PTPRR: variants seen among roughly 807,000 people sequenced by gnomAD.
The protein encoded by PTPRR is receptor-type tyrosine-protein phosphatase R.
PTPRR carries 38 observed loss-of-function variants against 77.2 expected under a neutral mutation model. The observed-to-expected ratio is 0.49, with a 90% CI of 0.38 to 0.65. PTPRR has a LOEUF of 0.65. Ranked by LOEUF, PTPRR falls within the 30% of genes least tolerant of loss-of-function variation. The pLI, the probability that PTPRR is intolerant of heterozygous loss-of-function variation, is 0.00. For synonymous variants in PTPRR, 299 were observed against 283.1 expected (o/e 1.06, Z -0.57); for missense variants, 744 against 799.2 (o/e 0.93, Z 0.83).
intron 6 of PTPRR, among the ~76,000 whole-genome samples, chr12:70,727,411 A>C (rs950041956): frequency 1.2e-4 from 18 of 152,168 alleles, no homozygotes; most frequent in Non-Finnish European, 2.5e-4. Flanking sequence ...AATGGGTTAT[A>C]AGAATTAAAA....
At chr12:70,818,235 CAA>C (rs34025995) in intron 2 of PTPRR, among the ~76,000 whole-genome samples, 7 of 68,658 alleles carry the variant, frequency 1.0e-4, no homozygotes, top group Non-Finnish European at 8.6e-5. Flanking sequence ...AACTCCGTCT[CAA>C]AAAAAAAAAA....
At chr12:70,798,029 A>G (rs1891546576) in intron 2 of PTPRR, among the ~76,000 whole-genome samples, 1 of 152,138 alleles carries the variant, frequency 6.6e-6, no homozygotes, top group Admixed American at 6.5e-5. Context: ...TTTAACTACT[A>G]CCTGATATCT....
At chr12:70,815,151 C>T (rs1403536014) in intron 2 of PTPRR, among the ~76,000 whole-genome samples, 1 of 108,354 alleles carries the variant, frequency 9.2e-6, no homozygotes, top group Non-Finnish European at 2.0e-5. Context: ...AAAAAAAACC[C>T]ACGTGTCACT....
At chr12:70,781,097 T>C (rs562173324) in intron 2 of PTPRR, among the ~76,000 whole-genome samples, 1 of 152,336 alleles carries the variant, frequency 6.6e-6, no homozygotes, top group East Asian at 1.9e-4. Flanking sequence ...ATCAGCAATA[T>C]AATTGACATT....
chr12:70,823,108 G>GACACACACACAC lies in PTPRR; in HGVS notation c.358-58342_358-58331dup, dbSNP rs58549756. 4.7e-3 allele frequency among the ~76,000 whole-genome samples: 661 copies of GACACACACACAC among 139,646 alleles called. 7 individuals carry two copies. Among genetic ancestry groups the GACACACACACAC allele is most frequent in the African/African-American group, 0.012 (450 of 36,064 alleles). 91.6% of individuals were successfully genotyped at this position (139,646 alleles called of 152,430 possible). On this transcript the variant is annotated intron_variant, in intron 2 of 13. Transcript: ENST00000283228. Reference sequence around the variant, plus strand: ...CTTCTCTCTTGCTGTCTCTCTCTCTGACACACACACACACACACACACACA... The same window carrying GACACACACACAC: ...CTTCTCTCTTGCTGTCTCTCTCTCTGACACACACACACACACACACACACACACACACACACA...
intron 6 of PTPRR, among the ~76,000 whole-genome samples, chr12:70,722,263 G>A (rs892069036): frequency 2.6e-5 from 4 of 152,030 alleles, no homozygotes; most frequent in African/African-American, 9.7e-5. Flanking sequence ...AAGCCTATCC[G>A]GTCCAACATA....
intron 5 of PTPRR, among the ~76,000 whole-genome samples, chr12:70,746,759 A>G (rs930928853): frequency 1.3e-5 from 2 of 151,988 alleles, no homozygotes; most frequent in African/African-American, 4.8e-5. Context: ...TGCTGTGATC[A>G]TAGCTCACTG....
rs537288729 is a variant in PTPRR, at chr12:70,827,761, A to C, written c.358-62983T>G. Among the ~76,000 whole-genome samples the C allele has an allele frequency of 4.0e-4, 48 of 120,838 alleles. No homozygotes were observed. In the East Asian group the frequency reaches 0.01, roughly 26 times the overall value. 79.3% of individuals were successfully genotyped at this position (120,838 alleles called of 152,430 possible). ...GAGATGGAGTCTTGCTCTGTTGTCC[A>C]GGCTGGAGTGCAGTGGCACAGTCTC... On this transcript the variant is annotated intron_variant, in intron 2 of 13. Transcript: ENST00000283228.
At chr12:70,746,403 G>A (rs1490455084) in intron 5 of PTPRR, among the ~76,000 whole-genome samples, 1 of 152,132 alleles carries the variant, frequency 6.6e-6, no homozygotes, top group Admixed American at 6.5e-5. Context: ...ATGGGGAAAT[G>A]GTAGGCTTAC....
At chr12:70,742,211 C>T (rs1271835163) in intron 6 of PTPRR, among the ~76,000 whole-genome samples, 1 of 152,036 alleles carries the variant, frequency 6.6e-6, no homozygotes, top group African/African-American at 2.4e-5. Context: ...AGAGGAAACC[C>T]TAGGAAACCA....
At chr12:70,879,692 C>T (rs1893115990) in intron 2 of PTPRR, among the ~76,000 whole-genome samples, 1 of 152,030 alleles carries the variant, frequency 6.6e-6, no homozygotes, top group Non-Finnish European at 1.5e-5. Flanking sequence ...ACAATTTCTC[C>T]CTGTAAGGGG....
intron 1 of PTPRR, among the ~76,000 whole-genome samples, chr12:70,911,926 G>A (rs1893706733): frequency 1.3e-5 from 2 of 152,084 alleles, no homozygotes; most frequent in Non-Finnish European, 2.9e-5. Context: ...CTCTAAGACT[G>A]CAAGTTTGGA....
intron 4 of PTPRR, among the ~76,000 whole-genome samples, chr12:70,757,836 G>A (rs1890597988): frequency 6.6e-6 from 1 of 152,110 alleles, no homozygotes; most frequent in South Asian, 2.1e-4. Flanking sequence ...TGAAAAAATG[G>A]GTTGAGGTAT....
At chr12:70,862,134 C>A (rs1020360205) in intron 2 of PTPRR, among the ~76,000 whole-genome samples, 2 of 151,866 alleles carry the variant, frequency 1.3e-5, no homozygotes, top group African/African-American at 4.8e-5. Context: ...AAGCAGTGTG[C>A]AAAAAATTAG....
chr12:70,893,666 C>T (rs1049754906), intron 1 of PTPRR, among the ~76,000 whole-genome samples: 12 of 151,878 alleles, frequency 7.9e-5, no homozygotes, highest in African/African-American at 2.9e-4. Flanking sequence ...GTGATATGGC[C>T]TTCCTTTCTA....
chr12:70,766,357 C>T (rs548186679), intron 2 of PTPRR, among the ~76,000 whole-genome samples: 3 of 152,138 alleles, frequency 2.0e-5, no homozygotes, highest in South Asian at 4.1e-4. Context: ...TTGAGAACTA[C>T]GTGAAGAATG....
At chr12:70,866,550 A>C (rs1369285658) in intron 2 of PTPRR, among the ~76,000 whole-genome samples, 5 of 152,232 alleles carry the variant, frequency 3.3e-5, no homozygotes, top group Admixed American at 1.3e-4. Context: ...ATAGCTTACC[A>C]ACCAAAAAAA....
chr12:70,766,557 C>T (rs1218754021), intron 2 of PTPRR, among the ~76,000 whole-genome samples: 15 of 151,868 alleles, frequency 9.9e-5, no homozygotes, highest in African/African-American at 2.2e-4. Context: ...TTGAACGTGA[C>T]GGGGAGAATG....
intron 2 of PTPRR, among the ~76,000 whole-genome samples, chr12:70,796,591 G>A (rs1213670904): frequency 6.6e-6 from 1 of 152,034 alleles, no homozygotes; most frequent in African/African-American, 2.4e-5. Context: ...GAATTACCAA[G>A]GTAGAAAACA....
Sources: allele counts gnomAD v4.1 joint callset (sites outside exome capture counted in the v4.1 genomes callset), GRCh38; gene constraint gnomAD v4.1.1; transcripts MANE v1.5; gene names NCBI Gene and HGNC (gene_info 2026-07-23, HGNC 2026-07-21).